DYNC1H1: variants seen among roughly 807,000 people sequenced by gnomAD.
The protein encoded by DYNC1H1 is dynein cytoplasmic 1 heavy chain 1.
A neutral mutation model predicts 527.1 loss-of-function variants in DYNC1H1; 51 were observed. The ratio of observed to expected loss-of-function variants is 0.10; its 90% confidence interval spans 0.08 to 0.12. The LOEUF is 0.12. Ranked by LOEUF, DYNC1H1 falls within the 10% of genes least tolerant of loss-of-function variation. DYNC1H1 has a pLI of 1.00. For synonymous variants in DYNC1H1, 2,189 were observed against 2,278.8 expected, an observed-to-expected ratio of 0.96 and a Z score of 1.12; for missense variants, 2,771 against 5,971.8, an observed-to-expected ratio of 0.46 and a Z score of 17.66.
At chr14:101,969,230 C>A (rs2141262143) in intron 1 of DYNC1H1, 1 of 151,560 alleles carries the variant, frequency 6.6e-6, no homozygotes, top group East Asian at 2.0e-4. Flanking sequence ...CCGTGTTAGC[C>A]AGGATGATCT....
intron 10 of DYNC1H1, 128 bp downstream of exon 10, chr14:101,988,980 G>A (rs1393566154): frequency 1.5e-6 from 2 of 1,305,416 alleles, no homozygotes; most frequent in African/African-American, 2.9e-5. Context: ...GGTGATGAAG[G>A]TCAGCCTCAC....
intron 7 of DYNC1H1, among the ~76,000 whole-genome samples, chr14:101,984,194 T>C (rs1458189358): frequency 3.3e-5 from 5 of 151,560 alleles, no homozygotes; most frequent in Non-Finnish European, 7.4e-5. Context: ...CTCACCATGT[T>C]GCCCAGGCTA....
rs954965259 is a variant in DYNC1H1 at position 101,993,936 on chromosome 14, G to A, written c.3016-248G>A. On this transcript the variant is annotated intron_variant, in intron 11 of 77. Coordinates refer to ENST00000360184, the MANE Select transcript of DYNC1H1 (RefSeq NM_001376.5). ...ATAGTTAAAATGAGCAAATGGCTTC[G>A]TGCACTTTTCAGCTGTTTTTGCATT... Among the ~76,000 whole-genome samples the A allele has an allele frequency of 1.4e-4, 22 of 152,284 alleles. No homozygotes were observed. In the East Asian group the frequency reaches 3.3e-3, roughly 23 times the overall value.
At chr14:102,003,813 G>A (rs538601526) in intron 23 of DYNC1H1, among the ~76,000 whole-genome samples, 5 of 152,134 alleles carry the variant, frequency 3.3e-5, no homozygotes, top group African/African-American at 1.2e-4. Context: ...ATAATCCCAG[G>A]TACTCAGGAG....
intron 29 of DYNC1H1, 56 bp from the exon 30 acceptor site, chr14:102,009,787 C>G: frequency 2.5e-6 from 4 of 1,593,882 alleles, no homozygotes; most frequent in Non-Finnish European, 3.4e-6. Flanking sequence ...TTTTAGAATG[C>G]ATTTTGTTTT....
intron 56 of DYNC1H1, chr14:102,035,607 C>G (rs562230556): frequency 2.0e-4 from 30 of 152,358 alleles, no homozygotes; most frequent in African/African-American, 7.2e-4. Context: ...CTGGAGATAA[C>G]TCAGATGGCC....
At position 102,041,892 on chromosome 14, in the gene DYNC1H1, C is replaced by A; in HGVS notation, c.12103-121C>A. 6.7e-7 allele frequency: 1 copy of A among 1,490,976 alleles called. No homozygotes were observed. Among genetic ancestry groups the A allele is most frequent in the Non-Finnish European group, 9.2e-7 (1 of 1,085,080 alleles). 92.4% of individuals were successfully genotyped at this position (1,490,976 alleles called of 1,614,324 possible). A position where few individuals can be genotyped will look rare whatever the true frequency, so the allele number is the denominator to read the frequency against. ...ATTCTCAACTCCTGGCTGCATGGTG[C>A]CCACACCTCTGGGCCCAGAAAGAAC... On this transcript the variant is annotated intron_variant, in intron 65 of 77. Transcript: ENST00000360184. The surrounding 1 kb of genome is among the most constrained non-coding windows in gnomAD (Gnocchi z 4.5).
At chr14:101,974,776 C>G (rs1191924970) in intron 1 of DYNC1H1, among the ~76,000 whole-genome samples, 1 of 151,962 alleles carries the variant, frequency 6.6e-6, no homozygotes, top group East Asian at 1.9e-4. Context: ...CTGAAGTGGT[C>G]CACACCTCAG....
rs2048180730 is a variant in DYNC1H1 at position 102,005,033 on chromosome 14, G to T, written c.5239-9G>T. 1 of 1,614,202 alleles carries T rather than the reference G, an allele frequency of 6.2e-7. No homozygotes were observed. The highest frequency in any genetic ancestry group is 8.5e-7 in the Non-Finnish European group (1 of 1,180,038). On this transcript the variant is annotated splice_polypyrimidine_tract_variant and intron_variant, in intron 25 of 77. Coordinates refer to ENST00000360184, the MANE Select transcript of DYNC1H1 (RefSeq NM_001376.5). This position sits in a 1 kb window ranked among gnomAD's most constrained non-coding sequence, Gnocchi z 4.0. Reference sequence around the variant, plus strand: ...TGATCCTTTGGGATCTTGTTTCTGTGTCTTTCAGGCCCAGCTTGTGGTTTT... The same window carrying T: ...TGATCCTTTGGGATCTTGTTTCTGTTTCTTTCAGGCCCAGCTTGTGGTTTT...
In DYNC1H1 at chr14:102,015,833, G is replaced by A. The variant is rs747901750; in HGVS notation, c.7243-23G>A. 2 of 1,612,846 alleles carry A rather than the reference G, an allele frequency of 1.2e-6. No homozygotes were observed. The highest frequency in any genetic ancestry group is 1.7e-5 in the Admixed American group (1 of 59,974). On this transcript the variant is annotated intron_variant, in intron 35 of 77. Coordinates refer to ENST00000360184, the MANE Select transcript of DYNC1H1 (RefSeq NM_001376.5). This position sits in a 1 kb window ranked among gnomAD's most constrained non-coding sequence, Gnocchi z 6.9. ...CGCCTGCCTTTTGAAAGATAGTTAAGTATCACTCCTTCCACTTTCTAGATC... is the reference window on the plus strand; with the variant it reads ...CGCCTGCCTTTTGAAAGATAGTTAAATATCACTCCTTCCACTTTCTAGATC...
At chr14:102,032,781 G>A (rs1172201547) in intron 52 of DYNC1H1, 1 of 555,226 alleles carries the variant, frequency 1.8e-6, no homozygotes, top group Admixed American at 3.1e-5. Flanking sequence ...TGAACCCAGG[G>A]GATCAAGGCT....
At chr14:101,981,228 A>G (rs906041174) in intron 5 of DYNC1H1, among the ~76,000 whole-genome samples, 1 of 152,144 alleles carries the variant, frequency 6.6e-6, no homozygotes, top group Non-Finnish European at 1.5e-5. Flanking sequence ...GGCTCAAGCC[A>G]TCCTCTCACC....
Position 101,997,377 on chromosome 14 carries a change from G to T in DYNC1H1, c.3804+103G>T. 6.4e-7 allele frequency: 1 copy of T among 1,571,488 alleles called. No individual in the cohort carries two copies. Among genetic ancestry groups the T allele is most frequent in the Non-Finnish European group, 8.6e-7 (1 of 1,157,482 alleles). The stretch of plus-strand genomic sequence containing the variant: ...GGCCTTGCTGTGACTGAGCTTTCTA[G>T]TATTGAAGACTCTTTTCCTTTTTGT... On this transcript the variant is annotated intron_variant, in intron 16 of 77. Coordinates refer to ENST00000360184, the MANE Select transcript of DYNC1H1 (RefSeq NM_001376.5). This position sits in a 1 kb window ranked among gnomAD's most constrained non-coding sequence, Gnocchi z 4.8.
At chr14:102,026,539 T>C in intron 43 of DYNC1H1, 35 bp from the exon 44 acceptor site, 2 of 1,613,004 alleles carry the variant, frequency 1.2e-6, no homozygotes, top group Non-Finnish European at 1.7e-6. Flanking sequence ...AACATTTTTT[T>C]CTAAGTAATT....
chr14:101,980,414 T>C lies in DYNC1H1; in HGVS notation c.825T>C (p.Ile275=), dbSNP rs773159389. The C allele has an allele frequency of 6.8e-6, 11 of 1,614,268 alleles. No homozygotes were observed. Among genetic ancestry groups the C allele is most frequent in the Non-Finnish European group, 9.3e-6 (11 of 1,180,048 alleles). ...DPASGTALQE[I]SFWLNLERAL... ...CATCAGGAACTGCCTTACAGGAAAT[T>C]AGTTTTTGGCTAAACTTGGAACGTG... The change falls in exon 5 of 78, where the codon ATT becomes ATC. Residue 275 remains isoleucine, a synonymous_variant. Transcript: ENST00000360184.
chr14:102,013,061 A>C (rs1255559966), intron 34 of DYNC1H1, among the ~76,000 whole-genome samples: 1 of 152,116 alleles, frequency 6.6e-6, no homozygotes, highest in Non-Finnish European at 1.5e-5. Context: ...CATTCTGGCT[A>C]ACATGATGAA....
chr14:101,985,955 A>T lies in DYNC1H1; in HGVS notation c.1730A>T (p.Asn577Ile), dbSNP rs1426952744. 2 of 1,614,198 alleles carry T rather than the reference A, an allele frequency of 1.2e-6. No homozygotes were observed. The highest frequency in any genetic ancestry group is 1.7e-6 in the Non-Finnish European group (2 of 1,180,040). The change falls in exon 8 of 78, where the codon AAT (asparagine) becomes ATT (isoleucine). Residue 577 changes from asparagine (N) to isoleucine (I), a missense_variant. This residue lies in a region of DYNC1H1 where 264 missense variants were observed against 619.4 expected (regional missense o/e 0.43). Transcript: ENST00000360184. This position sits in a 1 kb window ranked among gnomAD's most constrained non-coding sequence, Gnocchi z 5.9. Reference protein sequence around the residue: ...RLRDQLGTAKNANEMFRIFSR... With the variant: ...RLRDQLGTAKIANEMFRIFSR... ...CGGGATCAGCTTGGCACAGCCAAGA[A>T]TGCCAACGAGATGTTTAGGATTTTC...
Position 102,042,282 on chromosome 14 carries a change from C to T in DYNC1H1, c.12269C>T (p.Ser4090Leu), listed in dbSNP as rs1278705600. 1.2e-6 allele frequency: 2 copies of T among 1,613,930 alleles called. No homozygotes were observed. Among genetic ancestry groups the T allele is most frequent in the Non-Finnish European group, 1.7e-6 (2 of 1,180,022 alleles). The part of the protein sequence containing the change: ...ADKAINTAVK[S>L]GRWVMLKNVH... ...AAGGCAATAAACACCGCTGTAAAGT[C>T]GGGCAGGTAGGCCTGTTCTCTTTGG... Residue 4090 changes from serine (S) to leucine (L), a missense_variant, in exon 67 of 78, where the codon TCG (serine) becomes TTG (leucine). Ser to Leu is a moderately radical substitution (Grantham distance 145). Coordinates refer to ENST00000360184, the MANE Select transcript of DYNC1H1 (RefSeq NM_001376.5). This position sits in a 1 kb window ranked among gnomAD's most constrained non-coding sequence, Gnocchi z 5.7.
Position 102,044,973 on chromosome 14 carries a change from C to A in DYNC1H1, c.13006+275C>A. The A allele has an allele frequency of 1.9e-6, 1 of 512,906 alleles. No individual in the cohort carries two copies. Among genetic ancestry groups the A allele is most frequent in the Non-Finnish European group, 3.5e-6 (1 of 282,666 alleles). 31.8% of individuals were successfully genotyped at this position (512,906 alleles called of 1,614,324 possible). On this transcript the variant is annotated intron_variant, in intron 72 of 77. Transcript: ENST00000360184. The surrounding 1 kb of genome is among the most constrained non-coding windows in gnomAD (Gnocchi z 7.1). ...AAGGCTTGATATTTATGTAAATGAG[C>A]CTAGAAATAACATTTAGATGTTCAT... is the stretch of plus-strand genomic sequence containing the variant.
Sources: allele counts gnomAD v4.1 joint callset (sites outside exome capture counted in the v4.1 genomes callset), GRCh38; gene constraint gnomAD v4.1.1; regional missense constraint gnomAD v4.1.1; non-coding constraint Gnocchi (gnomAD v3.1); transcripts MANE v1.5; gene names NCBI Gene and HGNC (gene_info 2026-07-23, HGNC 2026-07-21).